SLC4A8: variants seen among roughly 807,000 people sequenced by gnomAD.
SLC4A8 encodes electroneutral sodium bicarbonate exchanger 1.
Under a neutral mutation model 125.0 loss-of-function variants are expected in SLC4A8, and 40 were observed. The ratio of observed to expected loss-of-function variants is 0.32; its 90% CI spans 0.25 to 0.42. The LOEUF is 0.42. SLC4A8 is among the 10% of genes least tolerant of loss of function. SLC4A8 has a pLI of 1.00. For missense variants in SLC4A8, 863 were observed against 1,355.1 expected, an observed-to-expected ratio of 0.64 and a Z score of 5.70; for synonymous variants, 456 against 476.0, an observed-to-expected ratio of 0.96 and a Z score of 0.55.
At chr12:51,439,366 A>G (rs545742627) in intron 1 of SLC4A8, among the ~76,000 whole-genome samples, 2 of 152,182 alleles carry the variant, frequency 1.3e-5, no homozygotes, top group South Asian at 4.2e-4. Flanking sequence ...AAGACATTTT[A>G]TTACTAAGAG....
At chr12:51,432,073 TGTGAG>T (rs1240507259) in intron 1 of SLC4A8, among the ~76,000 whole-genome samples, 1 of 152,150 alleles carries the variant, frequency 6.6e-6, no homozygotes, top group Admixed American at 6.5e-5. Context: ...TAAAACACAA[TGTGAG>T]GTATATAAGT....
chr12:51,468,539 C>T (rs1246213492), intron 11 of SLC4A8, among the ~76,000 whole-genome samples: 2 of 152,286 alleles, frequency 1.3e-5, no homozygotes, highest in African/African-American at 2.4e-5. Flanking sequence ...GCGAGCAGAT[C>T]ATGAGGTCAG....
chr12:51,493,223 ACCTC>A (rs1951364688), intron 19 of SLC4A8, among the ~76,000 whole-genome samples: 1 of 152,046 alleles, frequency 6.6e-6, no homozygotes, highest in South Asian at 2.1e-4. Context: ...CCAGACCATT[ACCTC>A]TTTGATAAGA....
intron 22 of SLC4A8, among the ~76,000 whole-genome samples, chr12:51,503,122 C>G (rs1415850791): frequency 3.9e-4 from 58 of 148,112 alleles, no homozygotes; most frequent in Non-Finnish European, 6.4e-4. Flanking sequence ...GATTACAGGC[C>G]TGAGCCACCG....
chr12:51,470,353 A>G, intron 12 of SLC4A8, 39 bp from the exon 13 acceptor site: 1 of 1,604,836 alleles, frequency 6.2e-7, no homozygotes, highest in Non-Finnish European at 8.5e-7. Flanking sequence ...CTCTGTACTG[A>G]TGGGCTATGG....
In SLC4A8 at chr12:51,444,153, G is replaced by A. The variant is rs1017018604; in HGVS notation, c.130+3364G>A. On this transcript the variant is annotated intron_variant, in intron 2 of 24. Coordinates refer to ENST00000453097, the MANE Select transcript of SLC4A8 (RefSeq NM_001039960.3). ...TAGGTAGAAGACGGGGGCAAAGAGC[G>A]GTTGAATGGCCAACAAAGTGACCAC... is the stretch of plus-strand genomic sequence containing the variant. 1.3e-4 allele frequency among the ~76,000 whole-genome samples: 20 copies of A among 152,248 alleles called. No homozygotes were observed. In the East Asian group the frequency reaches 2.3e-3, roughly 18 times the overall value.
intron 2 of SLC4A8, among the ~76,000 whole-genome samples, chr12:51,441,429 C>T (rs1209632921): frequency 2.0e-5 from 3 of 152,212 alleles, no homozygotes; most frequent in Non-Finnish European, 4.4e-5. Flanking sequence ...CTCTGCACCT[C>T]ACCCCCAGCT....
rs74874830 is a variant in SLC4A8 at position 51,452,020 on chromosome 12, G to A, written c.278-104G>A. Reference sequence around the variant, plus strand: ...AAAGAAATCTTTTTCTTCTGCATTCGTGGTTGTCTATATATATTTCTAAAG... The same window carrying A: ...AAAGAAATCTTTTTCTTCTGCATTCATGGTTGTCTATATATATTTCTAAAG... On this transcript the variant is annotated intron_variant, in intron 3 of 24. Coordinates refer to ENST00000453097, the MANE Select transcript of SLC4A8 (RefSeq NM_001039960.3). 3.4e-3 allele frequency: 3,566 copies of A among 1,040,234 alleles called. 79 individuals are homozygous for A. In the African/African-American group the frequency reaches 0.05, roughly 15 times the overall value. The allele number at this position is 1,040,234 out of a possible 1,614,324, so 64.4% of individuals were successfully genotyped here. A position where few individuals can be genotyped will look rare whatever the true frequency, so the allele number is the denominator to read the frequency against.
rs371052914 is a variant in SLC4A8, at chr12:51,493,418, G to C, written c.2701-286G>C. On this transcript the variant is annotated intron_variant, in intron 19 of 24. Transcript: ENST00000453097. The stretch of plus-strand genomic sequence containing the variant: ...TGTGTGTGTGTGTTTGTGTGTGTGT[G>C]TGTATGTGTGCCCATCCCCATGGAG... Among the ~76,000 whole-genome samples, 70 of 152,250 alleles carry C rather than the reference G, an allele frequency of 4.6e-4. 1 individual carries two copies. The highest frequency in any genetic ancestry group is 1.6e-3 in the African/African-American group (66 of 41,542).
chr12:51,459,256 C>T (rs889737332), intron 7 of SLC4A8, among the ~76,000 whole-genome samples: 1 of 152,182 alleles, frequency 6.6e-6, no homozygotes, highest in Non-Finnish European at 1.5e-5. Flanking sequence ...AAACCTGAAA[C>T]CCCCGACAAA....
At chr12:51,463,138 TC>T (rs1331828222) in intron 10 of SLC4A8, among the ~76,000 whole-genome samples, 2 of 152,164 alleles carry the variant, frequency 1.3e-5, no homozygotes, top group East Asian at 3.8e-4. Context: ...GGAAAGGAAC[TC>T]CTACTGTGTA....
At chr12:51,437,539 A>G (rs1217405461) in intron 1 of SLC4A8, among the ~76,000 whole-genome samples, 2 of 152,212 alleles carry the variant, frequency 1.3e-5, no homozygotes, top group South Asian at 2.1e-4. Flanking sequence ...ATCTTGCCAT[A>G]TTATACACCA....
At chr12:51,427,459 C>A (rs944057478) in intron 1 of SLC4A8, among the ~76,000 whole-genome samples, 2 of 151,794 alleles carry the variant, frequency 1.3e-5, no homozygotes, top group African/African-American at 4.8e-5. Context: ...GTGAAACTTT[C>A]TTGGGTGGTA....
rs869058430 is a variant in SLC4A8, at chr12:51,400,726, TTATATATATATATATATATATATATA to T, written c.-112+9265_-112+9290del. ...TTGAGAGGAGTGTGAATGAACTCCT[TTATATATATATATATATATATATATA>T]TATATATATATATATATATATATAT... On this transcript the variant is annotated intron_variant, in intron 1 of 24. Transcript: ENST00000358657. Among the ~76,000 whole-genome samples, 10 of 41,880 alleles carry T rather than the reference TTATATATATATATATATATATATATA, an allele frequency of 2.4e-4. 1 individual carries two copies. The highest frequency in any genetic ancestry group is 3.1e-4 in the Non-Finnish European group (8 of 25,912). The allele number at this position is 41,880 out of a possible 152,430, so 27.5% of individuals were successfully genotyped here.
At chr12:51,397,134 T>A (rs1430930699) in intron 1 of SLC4A8, among the ~76,000 whole-genome samples, 1 of 152,048 alleles carries the variant, frequency 6.6e-6, no homozygotes, top group African/African-American at 2.4e-5. Flanking sequence ...TTCACCATAT[T>A]GGCCAGGCTG....
Position 51,458,574 on chromosome 12 carries a change from C to T in SLC4A8, c.779C>T (p.Pro260Leu), listed in dbSNP as rs1305022315. 1 of 1,613,136 alleles carries T rather than the reference C, an allele frequency of 6.2e-7. No individual in the cohort carries two copies. Among genetic ancestry groups the T allele is most frequent in the Non-Finnish European group, 8.5e-7 (1 of 1,179,220 alleles). Residue 260 changes from proline to leucine, a missense_variant, in exon 7 of 25, where the codon CCT (proline) becomes CTT (leucine). This residue lies in a region of SLC4A8 where 390 missense variants were observed against 634.4 expected (regional missense o/e 0.61). Transcript: ENST00000453097. ...LMDKHGQTVSPQSVPTTNLEV... is the reference protein window; with the variant it reads ...LMDKHGQTVSLQSVPTTNLEV... Reference sequence around the variant, plus strand: ...CTCCAAATAGGTCAAACCGTGTCTCCTCAGTCTGTTCCAACTACAAATCTT... The same window carrying T: ...CTCCAAATAGGTCAAACCGTGTCTCTTCAGTCTGTTCCAACTACAAATCTT...
At chr12:51,451,054 A>G in intron 3 of SLC4A8, 32 bp downstream of exon 3, 2 of 1,442,302 alleles carry the variant, frequency 1.4e-6, no homozygotes, top group Non-Finnish European at 1.8e-6. Flanking sequence ...GCGGGTGTCC[A>G]TGGCCCAGGG....
chr12:51,427,486 AGGAATACAAT>A (rs1245861726), intron 1 of SLC4A8, among the ~76,000 whole-genome samples: 1 of 152,112 alleles, frequency 6.6e-6, no homozygotes, highest in African/African-American at 2.4e-5. Flanking sequence ...GGAGAAGAAA[AGGAATACAAT>A]GGGAACAGTA....
At chr12:51,435,612 T>C (rs979621632) in intron 1 of SLC4A8, among the ~76,000 whole-genome samples, 2 of 152,094 alleles carry the variant, frequency 1.3e-5, no homozygotes, top group Non-Finnish European at 2.9e-5. Flanking sequence ...CACCTCTCTA[T>C]TTTAAAAATA....
Sources: gnomAD v4.1 joint callset for allele counts (sites outside exome capture counted in the v4.1 genomes callset) on GRCh38, gnomAD v4.1.1 for gene constraint, gnomAD v4.1.1 regional missense constraint, MANE v1.5 for transcripts, NCBI Gene and HGNC (gene_info 2026-07-23, HGNC 2026-07-21) for gene names.